The following DOCK2 variants were observed in gnomAD, a reference collection of about 807,000 sequenced individuals.
The protein encoded by DOCK2 is dedicator of cytokinesis protein 2.
A neutral mutation model predicts 248.9 loss-of-function variants in DOCK2; 87 were observed. That is an observed-to-expected ratio of 0.35 (90% CI 0.29 to 0.42). The LOEUF is 0.42. DOCK2 is among the 10% of genes least tolerant of loss of function. DOCK2 has a pLI of 1.00. For synonymous variants in DOCK2, 805 were observed against 821.6 expected, an observed-to-expected ratio of 0.98 and a Z score of 0.35; for missense variants, 1,747 against 2,300.2, an observed-to-expected ratio of 0.76 and a Z score of 4.92.
At chr5:170,079,995 A>G in intron 49 of DOCK2, 168 bp from the exon 50 acceptor site, 2 of 1,175,372 alleles carry the variant, frequency 1.7e-6, no homozygotes, top group South Asian at 3.3e-5. Context: ...GTGCAACCAT[A>G]TGTGGCAGGC....
intron 27 of DOCK2, among the ~76,000 whole-genome samples, chr5:169,862,650 A>T (rs1317339055): frequency 1.3e-5 from 2 of 152,264 alleles, no homozygotes; most frequent in Non-Finnish European, 2.9e-5. Flanking sequence ...ATTACACTAG[A>T]AACAGAACAA....
intron 41 of DOCK2, among the ~76,000 whole-genome samples, chr5:170,052,045 G>A (rs1581558889): frequency 6.6e-6 from 1 of 152,350 alleles, no homozygotes; most frequent in Non-Finnish European, 1.5e-5. Context: ...TGCTGAGCCA[G>A]GGAGCACATT....
intron 26 of DOCK2, among the ~76,000 whole-genome samples, chr5:169,806,119 C>T (rs1767338047): frequency 6.7e-6 from 1 of 149,840 alleles, no homozygotes; most frequent in African/African-American, 2.5e-5. Context: ...TTGAGCTAAA[C>T]TGAAAATGAG....
chr5:169,997,162 T>C (rs975802982), intron 30 of DOCK2, among the ~76,000 whole-genome samples: 11 of 149,168 alleles, frequency 7.4e-5, no homozygotes, highest in Non-Finnish European at 1.3e-4. Context: ...TCATAGACAA[T>C]GTAAAGGATT....
At chr5:170,041,844 C>T (rs1343742885) in intron 37 of DOCK2, among the ~76,000 whole-genome samples, 169 bp from the exon 38 acceptor site, 1 of 152,242 alleles carries the variant, frequency 6.6e-6, no homozygotes, top group Non-Finnish European at 1.5e-5. Context: ...AGGGCAGCCT[C>T]TCCAGTGGTA....
intron 1 of DOCK2, among the ~76,000 whole-genome samples, chr5:169,639,552 C>T (rs1414311281): frequency 1.3e-5 from 2 of 152,206 alleles, no homozygotes; most frequent in Admixed American, 1.3e-4. Flanking sequence ...GTGACTTCTG[C>T]CTCCTGAGCC....
chr5:169,735,667 C>G (rs1365538945), intron 22 of DOCK2, among the ~76,000 whole-genome samples: 1 of 152,194 alleles, frequency 6.6e-6, no homozygotes, highest in Non-Finnish European at 1.5e-5. Flanking sequence ...GTCATTGGCA[C>G]AATAACAAAA....
At chr5:169,979,678 C>T (rs1309209464) in intron 27 of DOCK2, among the ~76,000 whole-genome samples, 1 of 152,126 alleles carries the variant, frequency 6.6e-6, no homozygotes, top group Non-Finnish European at 1.5e-5. Context: ...TCATTAACAG[C>T]CAAATGCAGG....
rs1334912068 is a variant in DOCK2 at position 169,702,563 on chromosome 5, A to G, written c.1383+136A>G. The G allele has an allele frequency of 7.5e-6, 10 of 1,338,246 alleles. No homozygotes were observed. In the Admixed American group the frequency reaches 2.4e-4, roughly 32 times the overall value. 82.9% of individuals were successfully genotyped at this position (1,338,246 alleles called of 1,614,324 possible). A position where few individuals can be genotyped will look rare whatever the true frequency, so the allele number is the denominator to read the frequency against. ...GGGATGGTGTTGAATAATGTGTTCA[A>G]CACCTTTTGAGCTTGGTTAGTGCAG... On this transcript the variant is annotated intron_variant, in intron 14 of 51. Transcript: ENST00000520908.
Position 169,714,123 on chromosome 5 carries a change from C to T in DOCK2, c.1755C>T (p.Ser585=), listed in dbSNP as rs1208432710. ...ACAAGGGGGCCACGCTGAGCAGGAG[C>T]TCCAGCAGTGTTGGGGGGCTTTCTG... is the stretch of plus-strand genomic sequence containing the variant. The part of the protein sequence containing the change: ...VENKGATLSR[S]SSSVGGLSVS... Residue 585 remains serine (S), a synonymous_variant, in exon 18 of 52, where the codon AGC becomes AGT. Transcript: ENST00000520908. 12 of 1,613,778 alleles carry T rather than the reference C, an allele frequency of 7.4e-6. No homozygotes were observed. The highest frequency in any genetic ancestry group is 9.3e-6 in the Non-Finnish European group (11 of 1,179,880).
At chr5:169,810,063 C>A (rs573015453) in intron 26 of DOCK2, among the ~76,000 whole-genome samples, 8 of 152,240 alleles carry the variant, frequency 5.3e-5, no homozygotes, top group South Asian at 4.1e-4. Flanking sequence ...TGCTCTACCC[C>A]CCGCCCACCC....
At chr5:169,707,326 T>C (rs1278258004) in intron 14 of DOCK2, among the ~76,000 whole-genome samples, 1 of 152,182 alleles carries the variant, frequency 6.6e-6, no homozygotes, top group Admixed American at 6.5e-5. Context: ...CACTCTCTGC[T>C]CAGAAAGCCC....
chr5:169,841,759 T>C (rs922874953), intron 27 of DOCK2, among the ~76,000 whole-genome samples: 29 of 152,368 alleles, frequency 1.9e-4, no homozygotes, highest in African/African-American at 6.5e-4. Flanking sequence ...CATACCTTAC[T>C]TCTTTATTTT....
At chr5:169,804,485 T>TGTGTGTGTGTGC (rs61431388) in intron 26 of DOCK2, among the ~76,000 whole-genome samples, 4 of 68,130 alleles carry the variant, frequency 5.9e-5, no homozygotes, top group East Asian at 6.3e-4. Context: ...TGTGTGTGTG[T>TGTGTGTGTGTGC]GCGCGCGCGC....
chr5:169,771,283 TTTC>T (rs1765072085), intron 25 of DOCK2, among the ~76,000 whole-genome samples: 1 of 152,216 alleles, frequency 6.6e-6, no homozygotes, highest in Non-Finnish European at 1.5e-5. Flanking sequence ...TTTGACTGTT[TTTC>T]TTTTTTCTTT....
intron 25 of DOCK2, among the ~76,000 whole-genome samples, chr5:169,769,948 C>T (rs563691407): frequency 7.2e-5 from 11 of 152,298 alleles, no homozygotes; most frequent in African/African-American, 1.9e-4. Flanking sequence ...TCTATACACA[C>T]GTTTATGTGC....
At chr5:169,880,389 A>C (rs1264723107) in intron 27 of DOCK2, among the ~76,000 whole-genome samples, 1 of 152,250 alleles carries the variant, frequency 6.6e-6, no homozygotes, top group Non-Finnish European at 1.5e-5. Context: ...TTTTAAAAGA[A>C]GACATAGGCA....
At chr5:169,964,609 G>A (rs1304563919) in intron 27 of DOCK2, among the ~76,000 whole-genome samples, 1 of 152,206 alleles carries the variant, frequency 6.6e-6, no homozygotes, top group Non-Finnish European at 1.5e-5. Flanking sequence ...CCTTGAAGGG[G>A]CCATGGTCAA....
At chr5:169,668,931 C>G (rs1034400952) in intron 2 of DOCK2, among the ~76,000 whole-genome samples, 1 of 152,112 alleles carries the variant, frequency 6.6e-6, no homozygotes, top group South Asian at 2.1e-4. Flanking sequence ...GCAATGGACA[C>G]AAGGGAGGGG....
Sources: allele counts gnomAD v4.1 joint callset (sites outside exome capture counted in the v4.1 genomes callset), GRCh38; gene constraint gnomAD v4.1.1; transcripts MANE v1.5; gene names NCBI Gene and HGNC (gene_info 2026-07-23, HGNC 2026-07-21).